The following GABPB2 variants were observed in gnomAD, a reference collection of about 807,000 sequenced individuals.
GABPB2 encodes GA-binding protein subunit beta-2.
Under a neutral mutation model 39.1 loss-of-function variants are expected in GABPB2, and 23 were observed. The ratio of observed to expected loss-of-function variants is 0.59; its 90% CI spans 0.42 to 0.83. The LOEUF (loss-of-function observed/expected upper bound fraction) is 0.83, where lower values mean the gene tolerates loss of function less well. Among genes scored for constraint, GABPB2 ranks in the 40% least tolerant of loss-of-function variants. GABPB2 has a pLI of 0.00. For missense variants in GABPB2, 467 were observed against 541.1 expected (o/e 0.86, Z 1.36); for synonymous variants, 184 against 199.3 (o/e 0.92, Z 0.65).
At chr1:151,106,944 C>T in intron 6 of GABPB2, 93 bp from the exon 7 acceptor site, 1 of 751,602 alleles carries the variant, frequency 1.3e-6, no homozygotes, top group Non-Finnish European at 2.0e-6. Context: ...ATGTTCCTCT[C>T]CCTGAATGTT....
intron 1 of GABPB2, 57 bp from the exon 2 acceptor site, chr1:151,088,133 G>T: frequency 8.2e-7 from 1 of 1,217,856 alleles, no homozygotes; most frequent in African/African-American, 1.5e-5. Context: ...ATGTATTGGC[G>T]GCTTTCCTTA....
chr1:151,085,449 A>AT (rs938664388), intron 1 of GABPB2, among the ~76,000 whole-genome samples: 16 of 151,182 alleles, frequency 1.1e-4, no homozygotes, highest in Middle Eastern at 3.4e-3. Flanking sequence ...TATTTATTTT[A>AT]TTTTTTTTTG....
chr1:151,095,009 C>A (rs79402674), intron 4 of GABPB2, among the ~76,000 whole-genome samples: 483 of 131,166 alleles, frequency 3.7e-3, no homozygotes, highest in Admixed American at 4.3e-3. Flanking sequence ...GATTCCATCT[C>A]AAAAAAAAAA....
chr1:151,103,903 CA>C (rs1679736378), intron 6 of GABPB2, among the ~76,000 whole-genome samples: 2 of 152,272 alleles, frequency 1.3e-5, no homozygotes, highest in Non-Finnish European at 2.9e-5. Flanking sequence ...TGTGTGTTTA[CA>C]ATTTGAAGTT....
intron 2 of GABPB2, chr1:151,088,524 T>A (rs758682106): frequency 4.6e-6 from 5 of 1,095,176 alleles, no homozygotes; most frequent in Non-Finnish European, 6.3e-6. Flanking sequence ...TAAGGTATTA[T>A]ATACTTGTGA....
chr1:151,106,904 G>C (rs963258954), intron 6 of GABPB2, 133 bp from the exon 7 acceptor site: 4 of 538,904 alleles, frequency 7.4e-6, no homozygotes, highest in East Asian at 6.5e-5. Context: ...AACCTTTTGC[G>C]AACTGTTGAA....
Position 151,125,266 on chromosome 1 carries a change from T to C in GABPB2, c.*7010T>C, listed in dbSNP as rs977347988. The C allele has an allele frequency of 1.3e-5, 2 of 152,278 alleles. No individual in the cohort carries two copies. The highest frequency in any genetic ancestry group is 1.3e-4 in the Admixed American group (2 of 15,260). 9.4% of individuals were successfully genotyped at this position (152,278 alleles called of 1,614,324 possible). The stretch of plus-strand genomic sequence containing the variant: ...TCCTTCTGTCAAGGCCATTTGTGTG[T>C]GTACTGCGGCAGGTGTGTGTGTGGG... On this transcript the variant is annotated 3_prime_UTR_variant, in exon 9 of 9. Transcript: ENST00000368918.
At chr1:151,076,180 A>G (rs1039545108) in intron 1 of GABPB2, among the ~76,000 whole-genome samples, 2 of 152,214 alleles carry the variant, frequency 1.3e-5, no homozygotes, top group Non-Finnish European at 2.9e-5. Flanking sequence ...AATAAGCAAA[A>G]CTATCCCAAG....
In GABPB2 at chr1:151,122,689, T is replaced by G. The variant is rs1229051163; in HGVS notation, c.*4433T>G. On this transcript the variant is annotated 3_prime_UTR_variant, in exon 9 of 9. Coordinates refer to ENST00000368918, the MANE Select transcript of GABPB2 (RefSeq NM_144618.3). ...GCCCTTCTGACTATACAGTCACCAC[T>G]TTTTTGGGGGAATTCTTTAGCAGAT... The G allele has an allele frequency of 1.3e-5, 2 of 152,056 alleles. No homozygotes were observed. The highest frequency in any genetic ancestry group is 2.9e-5 in the Non-Finnish European group (2 of 68,010). The allele number at this position is 152,056 out of a possible 1,614,324, so 9.4% of individuals were successfully genotyped here. A position where few individuals can be genotyped will look rare whatever the true frequency, so the allele number is the denominator to read the frequency against.
rs1679711337 is a variant in GABPB2, at chr1:151,103,628, C to A, written c.689C>A (p.Ala230Asp). The A allele has an allele frequency of 6.2e-7, 1 of 1,614,048 alleles. No homozygotes were observed. The highest frequency in any genetic ancestry group is 8.5e-7 in the Non-Finnish European group (1 of 1,180,014). Residue 230 changes from alanine to aspartate, a missense_variant, in exon 6 of 9, where the codon GCT becomes GAT. Transcript: ENST00000368918. ...STTSVLATLAALAEASVPLSN... is the reference protein window; with the variant it reads ...STTSVLATLADLAEASVPLSN... ...ACCTCAGTGCTGGCTACCCTTGCAG[C>A]TCTTGCTGAGGCATCAGTCCCCCTC...
chr1:151,109,605 C>T (rs1680247531), intron 7 of GABPB2, among the ~76,000 whole-genome samples: 2 of 151,268 alleles, frequency 1.3e-5, no homozygotes, highest in Non-Finnish European at 2.9e-5. Context: ...GTGATCCACC[C>T]TCCTCGGCCT....
intron 1 of GABPB2, among the ~76,000 whole-genome samples, chr1:151,074,523 G>A (rs1389079223): frequency 1.4e-5 from 2 of 144,122 alleles, no homozygotes; most frequent in Admixed American, 1.4e-4. Context: ...GTTTCACCAC[G>A]TTAGCCAGGA....
intron 7 of GABPB2, among the ~76,000 whole-genome samples, chr1:151,115,514 C>A (rs587673604): frequency 1.5e-4 from 23 of 151,586 alleles, no homozygotes; most frequent in Admixed American, 1.1e-3. Flanking sequence ...GATTGTCCTG[C>A]CTCAGCCTCC....
At chr1:151,106,852 C>T (rs1315367295) in intron 6 of GABPB2, among the ~76,000 whole-genome samples, 185 bp from the exon 7 acceptor site, 1 of 152,096 alleles carries the variant, frequency 6.6e-6, no homozygotes, top group Non-Finnish European at 1.5e-5. Flanking sequence ...TGTTCTAATG[C>T]ATTCTGTTTT....
At position 151,084,532 on chromosome 1, in the gene GABPB2, GTTTTTTTT is replaced by G. The variant is rs759845986; in HGVS notation, c.1-3645_1-3638del. 1.3e-3 allele frequency among the ~76,000 whole-genome samples: 131 copies of G among 98,614 alleles called. 1 individual carries two copies. Among genetic ancestry groups the G allele is most frequent in the African/African-American group, 5.0e-3 (126 of 25,436 alleles). 64.7% of individuals were successfully genotyped at this position (98,614 alleles called of 152,430 possible). ...TGAGCCACCGCGCCCGGCCCTAGCT[GTTTTTTTT>G]TTTTTTTTTTTTGAGACGGAGTCTC... On this transcript the variant is annotated intron_variant, in intron 1 of 8. Transcript: ENST00000368918.
chr1:151,110,005 A>ATTTTTTTTTTTTTTTTT (rs71577269), intron 7 of GABPB2, among the ~76,000 whole-genome samples: 1 of 60,760 alleles, frequency 1.6e-5, no homozygotes, highest in Non-Finnish European at 3.5e-5. Flanking sequence ...TGCCCAGCTA[A>ATTTTTTTTTTTTTTTTT]TTTTTTTTTT....
intron 5 of GABPB2, among the ~76,000 whole-genome samples, chr1:151,100,712 C>T (rs1039424994): frequency 1.4e-5 from 2 of 146,572 alleles, no homozygotes; most frequent in African/African-American, 5.0e-5. Flanking sequence ...CCTCAACCTC[C>T]TAAGTAGCTG....
chr1:151,118,050 G>A lies in GABPB2; in HGVS notation c.1141G>A (p.Glu381Lys). The A allele has an allele frequency of 1.2e-6, 2 of 1,614,204 alleles. No individual in the cohort carries two copies. Among genetic ancestry groups the A allele is most frequent in the African/African-American group, 1.3e-5 (1 of 75,058 alleles). Reference sequence around the variant, plus strand: ...ACACCAGCTCCTAAAGAAAGAGCAGGAAGCAGAACAGTACCGTCTTAAGCT... The same window carrying A: ...ACACCAGCTCCTAAAGAAAGAGCAGAAAGCAGAACAGTACCGTCTTAAGCT... ...YRHQLLKKEQ[E>K]AEQYRLKLEA... The change falls in exon 9 of 9, where the codon GAA becomes AAA. Residue 381 changes from glutamate to lysine, a missense_variant. By Grantham distance (56) the Glu-to-Lys change is moderately conservative. Transcript: ENST00000368918.
intron 7 of GABPB2, among the ~76,000 whole-genome samples, chr1:151,114,158 C>T (rs80085406): frequency 0.011 from 1,663 of 149,984 alleles, 44 homozygotes; most frequent in African/African-American, 0.039. Flanking sequence ...TCAGCCTGGA[C>T]GATATGACGA....
Sources: gnomAD v4.1 joint callset for allele counts (sites outside exome capture counted in the v4.1 genomes callset) on GRCh38, gnomAD v4.1.1 for gene constraint, MANE v1.5 for transcripts, NCBI Gene and HGNC (gene_info 2026-07-23, HGNC 2026-07-21) for gene names.